EHD4: variants seen among roughly 807,000 people sequenced by gnomAD.
EHD4 encodes EH domain containing 4.
EHD4 carries 37 observed loss-of-function variants against 51.0 expected under a neutral mutation model. The observed-to-expected ratio is 0.73, with a 90% CI of 0.56 to 0.95. The LOEUF (loss-of-function observed/expected upper bound fraction) is 0.95. Among genes scored for constraint, EHD4 ranks in the 40% least tolerant of loss-of-function variants. The pLI, the probability that EHD4 is intolerant of heterozygous loss-of-function variation, is 0.00. For synonymous variants in EHD4, 297 were observed against 317.3 expected (o/e 0.94, Z 0.68); for missense variants, 632 against 733.1 (o/e 0.86, Z 1.59).
chr15:41,940,573 G>A (rs1432404036), intron 3 of EHD4, among the ~76,000 whole-genome samples: 2 of 152,176 alleles, frequency 1.3e-5, no homozygotes, highest in African/African-American at 2.4e-5. Context: ...TGCTGTCATC[G>A]CTTGTGGCTC....
chr15:41,923,981 T>C (rs1185107724), intron 3 of EHD4, among the ~76,000 whole-genome samples: 1 of 152,250 alleles, frequency 6.6e-6, no homozygotes, highest in Non-Finnish European at 1.5e-5. Context: ...GGGCCAACTT[T>C]GATTAAGTTA....
At chr15:41,964,008 G>A (rs2067944812) in intron 1 of EHD4, among the ~76,000 whole-genome samples, 2 of 151,860 alleles carry the variant, frequency 1.3e-5, no homozygotes, top group Non-Finnish European at 2.9e-5. Context: ...AGCCGGGAGT[G>A]GTGGTGGGCG....
At chr15:41,917,082 C>A (rs944213591) in intron 4 of EHD4, among the ~76,000 whole-genome samples, 2 of 150,786 alleles carry the variant, frequency 1.3e-5, no homozygotes, top group African/African-American at 4.9e-5. Context: ...GCATTTCCAG[C>A]GAGCTTTCTG....
rs556699069 is a variant in EHD4 at position 41,952,009 on chromosome 15, C to T, written c.413+1755G>A. The stretch of plus-strand genomic sequence containing the variant: ...CTGCAGGTTTCTGTTCATCCCACTG[C>T]CAAGTTCCCTGGTTGCTTTCTTTGA... On this transcript the variant is annotated intron_variant, in intron 2 of 5. Coordinates refer to ENST00000220325, the MANE Select transcript of EHD4 (RefSeq NM_139265.4). 5.9e-5 allele frequency among the ~76,000 whole-genome samples: 9 copies of T among 152,376 alleles called. No homozygotes were observed. In the South Asian group the frequency reaches 1.4e-3, roughly 25 times the overall value.
At chr15:41,936,848 G>A (rs1566822777) in intron 3 of EHD4, among the ~76,000 whole-genome samples, 1 of 152,186 alleles carries the variant, frequency 6.6e-6, no homozygotes, top group Non-Finnish European at 1.5e-5. Context: ...GGATGCGTTT[G>A]TCAAAACTTC....
chr15:41,921,619 G>A (rs1210717257), intron 3 of EHD4: 2 of 152,244 alleles, frequency 1.3e-5, no homozygotes, highest in Non-Finnish European at 2.9e-5. Context: ...TGCTTTTCCA[G>A]GAGAGATGAT....
At chr15:41,908,283 C>G (rs1208262150) in intron 5 of EHD4, 1 of 152,146 alleles carries the variant, frequency 6.6e-6, no homozygotes, top group East Asian at 1.9e-4. Context: ...CAAGAAAAAC[C>G]CACCTCTGAG....
rs2067467160 is a variant in EHD4 at position 41,900,333 on chromosome 15, G to A, written c.*312C>T. 4 of 364,072 alleles carry A rather than the reference G, an allele frequency of 1.1e-5. No individual in the cohort carries two copies. Among genetic ancestry groups the A allele is most frequent in the Non-Finnish European group, 2.0e-5 (4 of 200,594 alleles). 22.6% of individuals were successfully genotyped at this position (364,072 alleles called of 1,614,324 possible). A position where few individuals can be genotyped will look rare whatever the true frequency, so the allele number is the denominator to read the frequency against. ...TTAGCTCACTTCCTGTGGTTCCTGG[G>A]ACTTACCAGGCCCACCCCCATGCGC... On this transcript the variant is annotated 3_prime_UTR_variant, in exon 6 of 6. Coordinates refer to ENST00000220325, the MANE Select transcript of EHD4 (RefSeq NM_139265.4). The surrounding 1 kb of genome is among the most constrained non-coding windows in gnomAD (Gnocchi z 4.8).
chr15:41,937,263 G>C (rs961849266), intron 3 of EHD4, among the ~76,000 whole-genome samples: 1 of 152,096 alleles, frequency 6.6e-6, no homozygotes, highest in African/African-American at 2.4e-5. Flanking sequence ...CACAGCTTCC[G>C]TTCCTCCAAG....
intron 1 of EHD4, among the ~76,000 whole-genome samples, chr15:41,959,069 T>G (rs2067906996): frequency 6.6e-6 from 1 of 152,232 alleles, no homozygotes; most frequent in African/African-American, 2.4e-5. Context: ...ATGAGCATTA[T>G]TTTTAAATTA....
chr15:41,972,533 G>A lies in EHD4; in HGVS notation c.-39C>T. ...CACGCTCGGATGGGACCCTGCTCCG[G>A]GTTCGACTCTCCCCGGCTCGCACTG... On this transcript the variant is annotated 5_prime_UTR_variant, in exon 1 of 6. Transcript: ENST00000220325. 2.1e-6 allele frequency: 3 copies of A among 1,450,098 alleles called. No homozygotes were observed. The highest frequency in any genetic ancestry group is 2.7e-6 in the Non-Finnish European group (3 of 1,106,316). The allele number at this position is 1,450,098 out of a possible 1,614,324, so 89.8% of individuals were successfully genotyped here.
intron 2 of EHD4, among the ~76,000 whole-genome samples, chr15:41,945,085 G>A (rs1019066162): frequency 5.9e-5 from 9 of 152,192 alleles, no homozygotes; most frequent in Non-Finnish European, 1.3e-4. Context: ...CTCGTTTCTT[G>A]TCAGGAATGA....
In EHD4 at chr15:41,972,392, T is replaced by C. The variant is rs761571939; in HGVS notation, c.103A>G (p.Lys35Glu). 3 of 1,610,898 alleles carry C rather than the reference T, an allele frequency of 1.9e-6. No homozygotes were observed. Among genetic ancestry groups the C allele is most frequent in the Non-Finnish European group, 2.5e-6 (3 of 1,178,860 alleles). ...TGGLRSLYLR[K>E]VLPLEEAYRF... Reference sequence around the variant, plus strand: ...TACGCCTCCTCCAGCGGCAGCACCTTGCGCAGGTAGAGCGAGCGCAGCCCG... The same window carrying C: ...TACGCCTCCTCCAGCGGCAGCACCTCGCGCAGGTAGAGCGAGCGCAGCCCG... The change falls in exon 1 of 6, where the codon AAG (lysine) becomes GAG (glutamate). Residue 35 changes from lysine to glutamate, a missense_variant. Coordinates refer to ENST00000220325, the MANE Select transcript of EHD4 (RefSeq NM_139265.4).
At chr15:41,917,645 C>T (rs1412659307) in intron 4 of EHD4, among the ~76,000 whole-genome samples, 1 of 152,292 alleles carries the variant, frequency 6.6e-6, no homozygotes, top group African/African-American at 2.4e-5. Flanking sequence ...AAAGGAAACA[C>T]CACAAACCAA....
intron 3 of EHD4, among the ~76,000 whole-genome samples, chr15:41,921,227 T>C (rs1321633500): frequency 6.6e-6 from 1 of 152,178 alleles, no homozygotes; most frequent in East Asian, 1.9e-4. Flanking sequence ...ATACTTCCAG[T>C]TCATGCTTTT....
At chr15:41,926,064 T>G (rs868623334) in intron 3 of EHD4, 1 of 152,200 alleles carries the variant, frequency 6.6e-6, no homozygotes, top group African/African-American at 2.4e-5. Context: ...TTAAACAAGA[T>G]GTGTGTCTAT....
chr15:41,900,503 T>G lies in EHD4; in HGVS notation c.*142A>C, dbSNP rs2067468290. On this transcript the variant is annotated 3_prime_UTR_variant, in exon 6 of 6. Transcript: ENST00000220325. This position sits in a 1 kb window ranked among gnomAD's most constrained non-coding sequence, Gnocchi z 4.8. ...GTGAAAGAAGTCATCTAGTTTCCAG[T>G]GTCCACCCTCCCCATTCTACAGATG... 3 of 821,362 alleles carry G rather than the reference T, an allele frequency of 3.7e-6. No homozygotes were observed. The highest frequency in any genetic ancestry group is 5.5e-6 in the Non-Finnish European group (3 of 541,140). 50.9% of individuals were successfully genotyped at this position (821,362 alleles called of 1,614,324 possible).
At chr15:41,971,728 C>T (rs897532644) in intron 1 of EHD4, among the ~76,000 whole-genome samples, 5 of 152,236 alleles carry the variant, frequency 3.3e-5, no homozygotes, top group Non-Finnish European at 7.3e-5. Context: ...TAGGCGGCCT[C>T]TTTATCCCCT....
At chr15:41,903,009 T>C (rs1239606520) in intron 5 of EHD4, among the ~76,000 whole-genome samples, 1 of 151,728 alleles carries the variant, frequency 6.6e-6, no homozygotes, top group Non-Finnish European at 1.5e-5. Context: ...AAACTTTCTG[T>C]GGCTCTGAAC....
Sources: gnomAD v4.1 joint callset for allele counts (sites outside exome capture counted in the v4.1 genomes callset) on GRCh38, gnomAD v4.1.1 for gene constraint, Gnocchi (gnomAD v3.1) non-coding constraint, MANE v1.5 for transcripts, NCBI Gene and HGNC (gene_info 2026-07-23, HGNC 2026-07-21) for gene names.